The following PLCZ1 variants were observed in gnomAD, a reference collection of about 807,000 sequenced individuals.
The protein encoded by PLCZ1 is phospholipase C zeta 1.
PLCZ1 carries 64 observed loss-of-function variants against 76.8 expected under a neutral mutation model. That is an observed-to-expected ratio of 0.83 (90% CI 0.68 to 1.03). PLCZ1 has a LOEUF of 1.03. Among genes scored for constraint, PLCZ1 ranks in the 50% least tolerant of loss-of-function variants. The probability of loss-of-function intolerance (pLI) is 0.00; values close to 1 mark genes in which losing one functional copy is unlikely to be tolerated. For synonymous variants in PLCZ1, 248 were observed against 230.8 expected, an observed-to-expected ratio of 1.07 and a Z score of -0.68; for missense variants, 751 against 713.7, an observed-to-expected ratio of 1.05 and a Z score of -0.60.
the PLCZ1 span, among the ~76,000 whole-genome samples, chr12:18,661,673 G>A: frequency 1.3e-5 from 2 of 152,084 alleles, no homozygotes; most frequent in Admixed American, 6.6e-5. Flanking sequence ...GTGGAGAAAA[G>A]GGGATGCTTA....
chr12:18,696,270 A>G lies in PLCZ1; in HGVS notation c.1175-4T>C. The stretch of plus-strand genomic sequence containing the variant: ...GTGTGAAAAATAAACTCATGGACTG[A>G]AAAAGAATAATTAAAACATTGTGAA... On this transcript the variant is annotated splice_polypyrimidine_tract_variant and splice_region_variant and intron_variant, in intron 10 of 14. Transcript: ENST00000266505. 1 of 1,396,860 alleles carries G rather than the reference A, an allele frequency of 7.2e-7. No individual in the cohort carries two copies. Among genetic ancestry groups the G allele is most frequent in the Non-Finnish European group, 1.0e-6 (1 of 998,702 alleles). 86.5% of individuals were successfully genotyped at this position (1,396,860 alleles called of 1,614,324 possible).
the PLCZ1 span, among the ~76,000 whole-genome samples, chr12:18,661,109 G>A: frequency 3.3e-5 from 5 of 152,018 alleles, no homozygotes. Context: ...ACTGAGTTTG[G>A]GGAATAGCAA....
the PLCZ1 span, among the ~76,000 whole-genome samples, chr12:18,661,976 A>G: frequency 6.6e-6 from 1 of 152,158 alleles, no homozygotes; most frequent in Non-Finnish European, 1.5e-5. Context: ...AGAAACATGA[A>G]TGGAGCTGGG....
the PLCZ1 span, among the ~76,000 whole-genome samples, chr12:18,672,875 C>T: frequency 6.6e-6 from 1 of 152,078 alleles, no homozygotes; most frequent in African/African-American, 2.4e-5. Context: ...GCAAGGTGAG[C>T]AGGATGGAGG....
intron 12 of PLCZ1, among the ~76,000 whole-genome samples, chr12:18,691,449 C>A (rs1190272305): frequency 1.3e-5 from 2 of 152,114 alleles, no homozygotes; most frequent in Middle Eastern, 3.4e-3. Flanking sequence ...GTTTATGTAA[C>A]AGAATCCAAG....
chr12:18,645,736 A>T, the PLCZ1 span, among the ~76,000 whole-genome samples: 1 of 152,184 alleles, frequency 6.6e-6, no homozygotes, highest in African/African-American at 2.4e-5. Context: ...AAAGGTAAGG[A>T]TTATTATCAT....
intron 6 of PLCZ1, among the ~76,000 whole-genome samples, 177 bp downstream of exon 6, chr12:18,712,665 C>A (rs971367632): frequency 6.6e-6 from 1 of 152,122 alleles, no homozygotes; most frequent in African/African-American, 2.4e-5. Flanking sequence ...CTGAAACTAA[C>A]TTTGATAAAT....
At chr12:18,650,688 GTGTGTGTGTGTGTGTGTATATATC>G in the PLCZ1 span, among the ~76,000 whole-genome samples, 160 of 40,160 alleles carry the variant, frequency 4.0e-3, 1 homozygote, top group East Asian at 0.031. Flanking sequence ...GTGTGTGTGT[GTGTGTGTGTGTGTGTGTATATATC>G]TATATATATA....
At chr12:18,654,134 G>T in the PLCZ1 span, among the ~76,000 whole-genome samples, 6 of 152,002 alleles carry the variant, frequency 3.9e-5, no homozygotes, top group Admixed American at 3.3e-4. Flanking sequence ...TCAAAACACA[G>T]ACTGGGCAGA....
At chr12:18,646,411 C>T in the PLCZ1 span, among the ~76,000 whole-genome samples, 11 of 152,094 alleles carry the variant, frequency 7.2e-5, no homozygotes, top group Non-Finnish European at 1.3e-4. Flanking sequence ...AGACCGCATT[C>T]GCATATCATA....
chr12:18,736,610 G>GAACATACATTAAAACATTAT, intron 2 of PLCZ1: 9 of 1,236,026 alleles, frequency 7.3e-6, no homozygotes, highest in Non-Finnish European at 9.5e-6. Context: ...TCATTACTTA[G>GAACATACATTAAAACATTAT]AACATACATT....
chr12:18,665,626 G>A, the PLCZ1 span, among the ~76,000 whole-genome samples: 1 of 152,022 alleles, frequency 6.6e-6, no homozygotes, highest in South Asian at 2.1e-4. Context: ...AACCCTGTCT[G>A]TACTGAAAAT....
At chr12:18,676,252 ACC>A in the PLCZ1 span, among the ~76,000 whole-genome samples, 1 of 152,152 alleles carries the variant, frequency 6.6e-6, no homozygotes, top group Admixed American at 6.6e-5. Context: ...CTCTTTTGAG[ACC>A]AGATTTACCT....
At chr12:18,711,695 G>A (rs973773772) in intron 6 of PLCZ1, among the ~76,000 whole-genome samples, 9 of 152,016 alleles carry the variant, frequency 5.9e-5, no homozygotes, top group East Asian at 1.9e-4. Context: ...AGATCGTGGC[G>A]AGAGCAGGAC....
At chr12:18,658,973 C>G in the PLCZ1 span, among the ~76,000 whole-genome samples, 1 of 152,052 alleles carries the variant, frequency 6.6e-6, no homozygotes, top group African/African-American at 2.4e-5. Context: ...ATATTATAAT[C>G]ATGCAAGGAA....
the PLCZ1 span, among the ~76,000 whole-genome samples, chr12:18,669,540 G>T: frequency 6.6e-6 from 1 of 152,156 alleles, no homozygotes; most frequent in Admixed American, 6.5e-5. Context: ...AGTTCTGGAG[G>T]CTGGAAAGTC....
At chr12:18,676,244 C>T in the PLCZ1 span, among the ~76,000 whole-genome samples, 1 of 152,230 alleles carries the variant, frequency 6.6e-6, no homozygotes, top group Admixed American at 6.5e-5. Flanking sequence ...GGTCAAGCCT[C>T]TTTTGAGACC....
chr12:18,669,033 T>C, the PLCZ1 span, among the ~76,000 whole-genome samples: 2 of 152,146 alleles, frequency 1.3e-5, no homozygotes. Context: ...ATAGTAATAA[T>C]AATAATAGCT....
the PLCZ1 span, among the ~76,000 whole-genome samples, chr12:18,675,106 G>A: frequency 6.6e-6 from 1 of 152,136 alleles, no homozygotes; most frequent in Admixed American, 6.6e-5. Context: ...GATTAATAAT[G>A]TGGCTAGAGA....
Sources: gnomAD v4.1 joint callset for allele counts (sites outside exome capture counted in the v4.1 genomes callset) on GRCh38, gnomAD v4.1.1 for gene constraint, MANE v1.5 for transcripts, NCBI Gene and HGNC (gene_info 2026-07-23, HGNC 2026-07-21) for gene names.